The following NRXN1 variants were observed in gnomAD, a reference collection of about 807,000 sequenced individuals.
NRXN1 encodes neurexin 1.
Under a neutral mutation model 150.9 loss-of-function variants are expected in NRXN1, and 39 were observed. The observed-to-expected ratio is 0.26, with a 90% CI of 0.20 to 0.34. The LOEUF (loss-of-function observed/expected upper bound fraction) is 0.34. Among genes scored for constraint, NRXN1 ranks in the 10% least tolerant of loss-of-function variants. NRXN1 has a pLI of 1.00. For synonymous variants in NRXN1, 924 were observed against 757.0 expected (o/e 1.22, Z -3.62); for missense variants, 1,815 against 1,949.9 (o/e 0.93, Z 1.30).
At chr2:50,018,478 A>G (rs971113235) in intron 21 of NRXN1, among the ~76,000 whole-genome samples, 5 of 152,144 alleles carry the variant, frequency 3.3e-5, no homozygotes, top group Non-Finnish European at 5.9e-5. Context: ...CATTCCAACC[A>G]TGACTTCATG....
At position 50,472,287 on chromosome 2, in the gene NRXN1, A is replaced by G; in HGVS notation, c.3244+11T>C. ...AGAATTATTTAGAGCATGATGACAA[A>G]AATCTAATACCTTCACATCCTCTCT... On this transcript the variant is annotated intron_variant, in intron 16 of 22. Coordinates refer to ENST00000401669, the MANE Select transcript of NRXN1 (RefSeq NM_001330078.2). 2 of 1,537,072 alleles carry G rather than the reference A, an allele frequency of 1.3e-6. No homozygotes were observed. The highest frequency in any genetic ancestry group is 1.8e-6 in the Non-Finnish European group (2 of 1,138,882).
intron 2 of NRXN1, among the ~76,000 whole-genome samples, chr2:50,926,548 G>C (rs760619615): frequency 6.6e-6 from 1 of 151,810 alleles, no homozygotes; most frequent in Non-Finnish European, 1.5e-5. Context: ...TATTAATATT[G>C]TATTGCAAAT....
At chr2:50,318,569 G>C (rs1224798804) in intron 17 of NRXN1, among the ~76,000 whole-genome samples, 1 of 151,942 alleles carries the variant, frequency 6.6e-6, no homozygotes, top group Non-Finnish European at 1.5e-5. Flanking sequence ...ACAATATTGT[G>C]ATTTTTTTTC....
At chr2:50,695,743 G>A (rs61025502) in intron 5 of NRXN1, among the ~76,000 whole-genome samples, 16,276 of 151,938 alleles carry the variant, frequency 0.11, 927 homozygotes, top group Middle Eastern at 0.16. Flanking sequence ...GTTAGATATC[G>A]CTTTTTATCC....
intron 18 of NRXN1, among the ~76,000 whole-genome samples, chr2:50,235,407 T>A (rs1222901062): frequency 6.6e-6 from 1 of 152,104 alleles, no homozygotes. Context: ...GAAATTTTAC[T>A]ATGGTTCAAT....
intron 18 of NRXN1, among the ~76,000 whole-genome samples, chr2:50,177,777 C>A (rs75540909): frequency 1.2e-4 from 1 of 8,352 alleles, no homozygotes; most frequent in East Asian, 3.0e-3. Flanking sequence ...CTAACTAACT[C>A]TCTCTCTCTC....
chr2:51,017,537 T>TTTTTTTTTTTTTTTTTTTC (rs1668902155), intron 2 of NRXN1, among the ~76,000 whole-genome samples: 1 of 86,502 alleles, frequency 1.2e-5, no homozygotes, highest in Non-Finnish European at 2.2e-5. Context: ...TTTTTTTTTT[T>TTTTTTTTTTTTTTTTTTTC]TTAGAAATGA....
At chr2:50,661,784 A>G (rs1314385566) in intron 5 of NRXN1, among the ~76,000 whole-genome samples, 5 of 152,086 alleles carry the variant, frequency 3.3e-5, no homozygotes, top group African/African-American at 9.7e-5. Flanking sequence ...TCTGAAGACT[A>G]TCCTGGATAC....
rs370459627 is a variant in NRXN1, at chr2:51,031,220, A to C, written c.-922+761T>G. 3.7e-4 allele frequency among the ~76,000 whole-genome samples: 56 copies of C among 152,218 alleles called. 1 individual carries two copies. The highest frequency in any genetic ancestry group is 1.3e-3 in the African/African-American group (54 of 41,522). ...CAGTTCACAAATTAGAGGATGAAAT[A>C]AAGGGATCTGAAAAACATCCTTACT... On this transcript the variant is annotated intron_variant, in intron 1 of 22. Coordinates refer to ENST00000401669, the MANE Select transcript of NRXN1 (RefSeq NM_001330078.2).
intron 5 of NRXN1, among the ~76,000 whole-genome samples, chr2:50,836,247 A>G (rs1332318982): frequency 1.8e-4 from 27 of 152,054 alleles, no homozygotes; most frequent in Non-Finnish European, 1.0e-4. Context: ...ATAGGGTACA[A>G]TGTGTTGTTT....
chr2:50,241,344 T>A (rs2065981469), intron 17 of NRXN1, among the ~76,000 whole-genome samples: 1 of 151,790 alleles, frequency 6.6e-6, no homozygotes, highest in Admixed American at 6.6e-5. Context: ...GAGTTAAATA[T>A]GCAGTGGCAG....
chr2:50,887,136 T>C (rs1680370793), intron 5 of NRXN1, among the ~76,000 whole-genome samples: 1 of 151,404 alleles, frequency 6.6e-6, no homozygotes, highest in Non-Finnish European at 1.5e-5. Context: ...TTATTCACTT[T>C]ATGTTTTCAG....
chr2:50,904,722 G>C (rs967359896), intron 5 of NRXN1, among the ~76,000 whole-genome samples: 5 of 152,046 alleles, frequency 3.3e-5, no homozygotes, highest in African/African-American at 9.7e-5. Flanking sequence ...TATTTTTGCT[G>C]AGTTGAAATA....
At chr2:51,005,261 GA>G (rs1700565358) in intron 2 of NRXN1, among the ~76,000 whole-genome samples, 1 of 150,158 alleles carries the variant, frequency 6.7e-6, no homozygotes, top group Non-Finnish European at 1.5e-5. Context: ...TACTTCCCAA[GA>G]AAAAAATCTA....
chr2:50,481,293 T>C (rs1023138141), intron 15 of NRXN1, among the ~76,000 whole-genome samples: 1 of 152,184 alleles, frequency 6.6e-6, no homozygotes, highest in South Asian at 2.1e-4. Context: ...TGGTAATAAA[T>C]GGTAGCAAAA....
Position 49,943,722 on chromosome 2 carries a change from G to T in NRXN1, c.4198C>A (p.Pro1400Thr). The change falls in exon 22 of 23, where the codon CCG becomes ACG. Residue 1400 changes from proline to threonine, a missense_variant. Physicochemically the swap from Pro to Thr is conservative, Grantham distance 38. Coordinates refer to ENST00000401669, the MANE Select transcript of NRXN1 (RefSeq NM_001330078.2). ...SDDEDIDPCE[P>T]SSGGLANPTR... ...GACTAACCTAACCCACCTGAGCTCG[G>T]CTCACAGGGGTCAATGTCCTCATCA... is the stretch of plus-strand genomic sequence containing the variant. 1 of 1,611,684 alleles carries T rather than the reference G, an allele frequency of 6.2e-7. No homozygotes were observed. The highest frequency in any genetic ancestry group is 2.2e-5 in the East Asian group (1 of 44,832).
At position 50,089,555 on chromosome 2, in the gene NRXN1, G is replaced by A. The variant is rs144834856; in HGVS notation, c.3718+1768C>T. Among the ~76,000 whole-genome samples, 1,454 of 152,244 alleles carry A rather than the reference G, an allele frequency of 9.6e-3. 27 individuals carry two copies. Among genetic ancestry groups the A allele is most frequent in the African/African-American group, 0.033 (1,369 of 41,548 alleles). ...TAATCCCAGCACTTTGGGAGGCCGA[G>A]GCAGGAAGATCACTTAAGGTCAGGT... On this transcript the variant is annotated intron_variant, in intron 19 of 22. Coordinates refer to ENST00000401669, the MANE Select transcript of NRXN1 (RefSeq NM_001330078.2).
chr2:50,651,502 G>A (rs564305348), intron 5 of NRXN1, among the ~76,000 whole-genome samples: 36 of 146,946 alleles, frequency 2.4e-4, no homozygotes, highest in African/African-American at 8.9e-4. Flanking sequence ...GACATGACAT[G>A]ACATGACATA....
At chr2:50,190,786 A>G (rs2061395106) in intron 18 of NRXN1, among the ~76,000 whole-genome samples, 1 of 150,034 alleles carries the variant, frequency 6.7e-6, no homozygotes, top group African/African-American at 2.5e-5. Context: ...CTAATTTTGT[A>G]TTTTTAGTAG....
Sources: allele counts gnomAD v4.1 joint callset (sites outside exome capture counted in the v4.1 genomes callset), GRCh38; gene constraint gnomAD v4.1.1; transcripts MANE v1.5; gene names NCBI Gene and HGNC (gene_info 2026-07-23, HGNC 2026-07-21).